Variants in GLI3 observed in about 807,000 individuals in gnomAD.
GLI3 encodes GLI family zinc finger 3, also known as transcription activator GLI3.
In GLI3, 20 loss-of-function variants were observed where a neutral mutation model predicts 100.8. That is an observed-to-expected ratio of 0.20 (90% confidence interval 0.14 to 0.29). The LOEUF (loss-of-function observed/expected upper bound fraction) is 0.29, where lower values mean the gene tolerates loss of function less well. Ranked by LOEUF, GLI3 falls within the 10% of genes least tolerant of loss-of-function variation. GLI3 has a pLI of 1.00. For missense variants in GLI3, 2,040 were observed against 2,128.5 expected (o/e 0.96, Z 0.82); for synonymous variants, 938 against 860.5 (o/e 1.09, Z -1.58).
intron 10 of GLI3, among the ~76,000 whole-genome samples, chr7:41,995,721 C>T (rs1788104769): frequency 6.6e-6 from 1 of 151,948 alleles, no homozygotes; most frequent in Admixed American, 6.6e-5. Context: ...AGAAGGGGTG[C>T]TGTGTACCCA....
chr7:41,972,267 C>T lies in GLI3; in HGVS notation c.2103+70G>A. 7.0e-7 allele frequency: 1 copy of T among 1,428,866 alleles called. No homozygotes were observed. Among genetic ancestry groups the T allele is most frequent in the Non-Finnish European group, 9.9e-7 (1 of 1,012,674 alleles). The allele number at this position is 1,428,866 out of a possible 1,614,324, so 88.5% of individuals were successfully genotyped here. On this transcript the variant is annotated intron_variant, in intron 13 of 14. Transcript: ENST00000395925. This position sits in a 1 kb window ranked among gnomAD's most constrained non-coding sequence, Gnocchi z 4.4. ...ACAGTGAGGACCGGGAAGTCCTGTC[C>T]CTCTATGCACCCTACCTGGCTCTTT...
intron 6 of GLI3, among the ~76,000 whole-genome samples, chr7:42,041,116 T>A (rs1784127687): frequency 6.6e-6 from 1 of 152,212 alleles, no homozygotes; most frequent in Non-Finnish European, 1.5e-5. Context: ...CTTACGAGCA[T>A]GATAACGAGG....
intron 2 of GLI3, among the ~76,000 whole-genome samples, chr7:42,188,636 A>T (rs1787766440): frequency 6.6e-6 from 1 of 152,246 alleles, no homozygotes; most frequent in South Asian, 2.1e-4. Context: ...AAATAAATAC[A>T]TCCAGACACT....
At chr7:42,168,419 C>T (rs978577244) in intron 2 of GLI3, among the ~76,000 whole-genome samples, 1 of 152,146 alleles carries the variant, frequency 6.6e-6, no homozygotes. Flanking sequence ...TTCACAGGAT[C>T]GCTCTTTGTA....
chr7:42,231,135 G>A (rs1788689628), intron 1 of GLI3, among the ~76,000 whole-genome samples: 1 of 152,194 alleles, frequency 6.6e-6, no homozygotes. Context: ...GCTTAAGGGA[G>A]TATAAGGGAG....
chr7:42,182,717 TACACACACAC>T lies in GLI3; in HGVS notation c.125-34259_125-34250del, dbSNP rs66997611. 1.2e-3 allele frequency among the ~76,000 whole-genome samples: 144 copies of T among 118,708 alleles called. 4 individuals are homozygous for T. In the East Asian group the frequency reaches 0.03, roughly 25 times the overall value. 77.9% of individuals were successfully genotyped at this position (118,708 alleles called of 152,430 possible). A position where few individuals can be genotyped will look rare whatever the true frequency, so the allele number is the denominator to read the frequency against. On this transcript the variant is annotated intron_variant, in intron 2 of 14. Coordinates refer to ENST00000395925, the MANE Select transcript of GLI3 (RefSeq NM_000168.6). ...GTATATATATATACACACATATAAA[TACACACACAC>T]ACACACACACACACACACAGAGGAA...
intron 2 of GLI3, among the ~76,000 whole-genome samples, chr7:42,173,973 C>T (rs558189501): frequency 2.3e-4 from 35 of 152,210 alleles, no homozygotes; most frequent in African/African-American, 7.9e-4. Flanking sequence ...GTTAATTCTA[C>T]CAAAATATCC....
At chr7:42,017,477 C>T (rs2128728189) in intron 10 of GLI3, among the ~76,000 whole-genome samples, 1 of 152,226 alleles carries the variant, frequency 6.6e-6, no homozygotes, top group East Asian at 1.9e-4. Context: ...TTCACAGCCC[C>T]CCGCCACTCC....
At chr7:41,981,072 G>A (rs529397338) in intron 10 of GLI3, among the ~76,000 whole-genome samples, 57 of 152,324 alleles carry the variant, frequency 3.7e-4, no homozygotes, top group Admixed American at 1.4e-3. Flanking sequence ...AGACACATCA[G>A]GTGTGCAGGG....
At chr7:42,219,993 A>G (rs920585156) in intron 2 of GLI3, among the ~76,000 whole-genome samples, 1 of 151,670 alleles carries the variant, frequency 6.6e-6, no homozygotes, top group African/African-American at 2.4e-5. Flanking sequence ...GGCTGGGACT[A>G]CAGGCACCCG....
At chr7:42,136,038 G>T (rs527581627) in intron 3 of GLI3, among the ~76,000 whole-genome samples, 87 of 152,328 alleles carry the variant, frequency 5.7e-4, no homozygotes, top group African/African-American at 2.0e-3. Context: ...GGATCTTACA[G>T]TGGACTCTGT....
At chr7:42,193,232 C>G (rs541951978) in intron 2 of GLI3, among the ~76,000 whole-genome samples, 1 of 152,070 alleles carries the variant, frequency 6.6e-6, no homozygotes. Context: ...AAAGGAAAGC[C>G]GAGAGCACAT....
chr7:42,057,928 A>G (rs1784495822), intron 4 of GLI3, among the ~76,000 whole-genome samples: 1 of 152,160 alleles, frequency 6.6e-6, no homozygotes, highest in African/African-American at 2.4e-5. Flanking sequence ...AAAAAACTAC[A>G]TATTGGGTAC....
At chr7:41,992,125 T>A (rs1788003178) in intron 10 of GLI3, among the ~76,000 whole-genome samples, 1 of 152,198 alleles carries the variant, frequency 6.6e-6, no homozygotes, top group African/African-American at 2.4e-5. Context: ...ATAGAGGCAC[T>A]AAGCAAAGAC....
chr7:42,231,415 T>C (rs1026124654), intron 1 of GLI3, among the ~76,000 whole-genome samples: 2 of 152,240 alleles, frequency 1.3e-5, no homozygotes, highest in East Asian at 3.8e-4. Flanking sequence ...ACTTACCCTA[T>C]AAACTTTGCT....
At chr7:42,126,805 C>T (rs1456156313) in intron 3 of GLI3, among the ~76,000 whole-genome samples, 1 of 152,244 alleles carries the variant, frequency 6.6e-6, no homozygotes, top group Admixed American at 6.5e-5. Flanking sequence ...TGACAACATT[C>T]TTCTACTCTG....
intron 10 of GLI3, among the ~76,000 whole-genome samples, chr7:41,993,277 C>T (rs1314579682): frequency 6.6e-6 from 1 of 152,186 alleles, no homozygotes; most frequent in African/African-American, 2.4e-5. Context: ...AGGCTGGCAA[C>T]ATAGAGATCC....
intron 3 of GLI3, among the ~76,000 whole-genome samples, chr7:42,134,296 T>C (rs1160836387): frequency 6.6e-6 from 1 of 151,954 alleles, no homozygotes; most frequent in East Asian, 1.9e-4. Flanking sequence ...TAACTTCAAA[T>C]AACTATGCAT....
intron 13 of GLI3, among the ~76,000 whole-genome samples, chr7:41,968,364 G>A (rs1787245068): frequency 6.6e-6 from 1 of 152,158 alleles, no homozygotes; most frequent in African/African-American, 2.4e-5. Context: ...GAGCACACAA[G>A]TATAAAAAGA....
Sources: gnomAD v4.1 joint callset for allele counts (sites outside exome capture counted in the v4.1 genomes callset) on GRCh38, gnomAD v4.1.1 for gene constraint, Gnocchi (gnomAD v3.1) non-coding constraint, MANE v1.5 for transcripts, NCBI Gene and HGNC (gene_info 2026-07-23, HGNC 2026-07-21) for gene names.